The following ADGRB3 variants were observed in gnomAD, a reference collection of about 807,000 sequenced individuals.
ADGRB3 encodes the protein brain-specific angiogenesis inhibitor 3.
ADGRB3 carries 37 observed loss-of-function variants against 193.4 expected under a neutral mutation model. The ratio of observed to expected loss-of-function variants is 0.19; its 90% CI spans 0.15 to 0.25. The LOEUF (loss-of-function observed/expected upper bound fraction) is 0.25, where lower values mean the gene tolerates loss of function less well. ADGRB3 is among the 10% of genes least tolerant of loss of function. ADGRB3 has a pLI of 1.00. For missense variants in ADGRB3, 1,637 were observed against 1,852.9 expected (o/e 0.88, Z 2.14); for synonymous variants, 690 against 644.2 (o/e 1.07, Z -1.08).
chr6:68,768,264 G>A (rs1291106047), intron 3 of ADGRB3, among the ~76,000 whole-genome samples: 3 of 152,072 alleles, frequency 2.0e-5, no homozygotes, highest in Non-Finnish European at 4.4e-5. Flanking sequence ...CAAATCTGGA[G>A]GCATCACGCA....
chr6:69,317,010 G>A (rs1768327316), intron 20 of ADGRB3, among the ~76,000 whole-genome samples: 1 of 151,506 alleles, frequency 6.6e-6, no homozygotes, highest in African/African-American at 2.4e-5. Flanking sequence ...GATATTAGAT[G>A]TGAGAATAGT....
At chr6:69,274,807 C>T (rs1360116317) in intron 20 of ADGRB3, among the ~76,000 whole-genome samples, 2 of 152,100 alleles carry the variant, frequency 1.3e-5, no homozygotes. Flanking sequence ...CTCTTTCTTT[C>T]CATCTGCTTC....
chr6:68,639,499 G>C, intron 3 of ADGRB3, 67 bp downstream of exon 3: 1 of 1,450,716 alleles, frequency 6.9e-7, no homozygotes. Flanking sequence ...AAAACGTGCT[G>C]TTTCAACACA....
At chr6:69,333,966 TA>T (rs1561990656) in intron 24 of ADGRB3, among the ~76,000 whole-genome samples, 2 of 53,952 alleles carry the variant, frequency 3.7e-5, no homozygotes, top group East Asian at 6.3e-4. Flanking sequence ...TAAAATAAAA[TA>T]AAATAAAATA....
intron 20 of ADGRB3, among the ~76,000 whole-genome samples, chr6:69,292,614 G>T (rs1767713167): frequency 6.6e-6 from 1 of 152,026 alleles, no homozygotes. Context: ...AGACTCTGCT[G>T]CCTGTTGGCT....
intron 17 of ADGRB3, among the ~76,000 whole-genome samples, chr6:69,227,511 C>G (rs1426814283): frequency 1.3e-5 from 2 of 152,048 alleles, no homozygotes; most frequent in African/African-American, 4.8e-5. Flanking sequence ...AAGAGATTAT[C>G]CCAGGCAAGA....
At chr6:69,163,486 G>A (rs569204552) in intron 17 of ADGRB3, among the ~76,000 whole-genome samples, 1 of 151,968 alleles carries the variant, frequency 6.6e-6, no homozygotes, top group Non-Finnish European at 1.5e-5. Flanking sequence ...TTCAAGTAAA[G>A]CCATTCAAAT....
chr6:69,382,281 A>G lies in ADGRB3; in HGVS notation c.4276-550A>G, dbSNP rs559611850. Reference sequence around the variant, plus strand: ...TTTCCCCCTAAGAAGCTCAATCATTATGCACATGGAAAATGCAAGGTTTTA... The same window carrying G: ...TTTCCCCCTAAGAAGCTCAATCATTGTGCACATGGAAAATGCAAGGTTTTA... On this transcript the variant is annotated intron_variant, in intron 30 of 31. Transcript: ENST00000370598. Among the ~76,000 whole-genome samples, 5 of 152,048 alleles carry G rather than the reference A, an allele frequency of 3.3e-5. No homozygotes were observed. In the East Asian group the frequency reaches 9.7e-4, roughly 30 times the overall value.
At chr6:68,640,139 G>A (rs1340883856) in intron 3 of ADGRB3, among the ~76,000 whole-genome samples, 3 of 152,140 alleles carry the variant, frequency 2.0e-5, no homozygotes. Context: ...AGGACGGGGT[G>A]GAGGGGTGCA....
chr6:68,717,142 A>C (rs1765502369), intron 3 of ADGRB3, among the ~76,000 whole-genome samples: 1 of 151,670 alleles, frequency 6.6e-6, no homozygotes, highest in Non-Finnish European at 1.5e-5. Flanking sequence ...AATTGCTTCA[A>C]TTTGCCTTGA....
intron 17 of ADGRB3, among the ~76,000 whole-genome samples, chr6:69,197,124 C>T (rs567917365): frequency 4.6e-5 from 7 of 152,026 alleles, no homozygotes; most frequent in African/African-American, 1.4e-4. Context: ...CAGTTTCCCT[C>T]GAGGGCAAGA....
At chr6:69,138,616 A>C (rs1774221109) in intron 17 of ADGRB3, among the ~76,000 whole-genome samples, 1 of 152,248 alleles carries the variant, frequency 6.6e-6, no homozygotes, top group East Asian at 1.9e-4. Context: ...TTGGTGGTTA[A>C]AATGAATTAT....
At position 69,361,513 on chromosome 6, in the gene ADGRB3, G is replaced by A; in HGVS notation, c.4239+1G>A. On this transcript the variant is annotated splice_donor_variant, in intron 29 of 31. Transcript: ENST00000370598. LOFTEE classifies it high-confidence loss of function. ...AACGATATCAATGAGTTCTTTAGAG[G>A]TGAGCCACAGAAGATTAAATTTTTC... is the stretch of plus-strand genomic sequence containing the variant. 1 of 1,607,576 alleles carries A rather than the reference G, an allele frequency of 6.2e-7. No homozygotes were observed. The highest frequency in any genetic ancestry group is 8.5e-7 in the Non-Finnish European group (1 of 1,175,852).
chr6:69,253,739 G>A (rs1766681372), intron 20 of ADGRB3, among the ~76,000 whole-genome samples: 1 of 151,978 alleles, frequency 6.6e-6, no homozygotes, highest in Non-Finnish European at 1.5e-5. Flanking sequence ...TCCTAAATAT[G>A]TTTTCTAAAG....
At chr6:68,922,676 G>T (rs1276529949) in intron 3 of ADGRB3, among the ~76,000 whole-genome samples, 1 of 152,160 alleles carries the variant, frequency 6.6e-6, no homozygotes, top group Non-Finnish European at 1.5e-5. Flanking sequence ...ATCTCCTTTT[G>T]CAGGAGGAGG....
intron 15 of ADGRB3, among the ~76,000 whole-genome samples, chr6:69,055,894 GATCTC>G (rs1562140123): frequency 6.6e-6 from 1 of 151,872 alleles, no homozygotes; most frequent in East Asian, 1.9e-4. Flanking sequence ...CAGTGGTACA[GATCTC>G]AGCTCACTGC....
At chr6:69,076,781 G>C (rs1191314634) in intron 17 of ADGRB3, among the ~76,000 whole-genome samples, 1 of 151,864 alleles carries the variant, frequency 6.6e-6, no homozygotes, top group African/African-American at 2.4e-5. Flanking sequence ...TGCATGAGGG[G>C]AGATAAATAT....
chr6:69,162,757 AATAG>A (rs1202950182), intron 17 of ADGRB3, among the ~76,000 whole-genome samples: 3 of 152,144 alleles, frequency 2.0e-5, no homozygotes, highest in South Asian at 2.1e-4. Context: ...AACTATGTAA[AATAG>A]ATAGACTCAG....
intron 11 of ADGRB3, among the ~76,000 whole-genome samples, chr6:69,012,703 A>G (rs575581588): frequency 4.6e-5 from 7 of 152,238 alleles, no homozygotes; most frequent in African/African-American, 2.4e-5. Context: ...GCCAGGTACT[A>G]TTAAAACAAA....
Sources: allele counts gnomAD v4.1 joint callset (sites outside exome capture counted in the v4.1 genomes callset), GRCh38; gene constraint gnomAD v4.1.1; transcripts MANE v1.5; gene names NCBI Gene and HGNC (gene_info 2026-07-23, HGNC 2026-07-21).